STARD3NL: variants seen among roughly 807,000 people sequenced by gnomAD.
STARD3NL encodes the protein STARD3 N-terminal like.
Under a neutral mutation model 30.9 loss-of-function variants are expected in STARD3NL, and 17 were observed. The ratio of observed to expected loss-of-function variants is 0.55; its 90% CI spans 0.38 to 0.82. The LOEUF (loss-of-function observed/expected upper bound fraction) is 0.82, where lower values mean the gene tolerates loss of function less well. Among genes scored for constraint, STARD3NL ranks in the 40% least tolerant of loss-of-function variants. The pLI, the probability that STARD3NL is intolerant of heterozygous loss-of-function variation, is 0.00. For synonymous variants in STARD3NL, 112 were observed against 100.5 expected (o/e 1.11, Z -0.69); for missense variants, 234 against 277.6 (o/e 0.84, Z 1.12).
chr7:38,187,463 T>A (rs1051211793), intron 1 of STARD3NL, among the ~76,000 whole-genome samples: 5 of 152,200 alleles, frequency 3.3e-5, no homozygotes, highest in African/African-American at 1.2e-4. Context: ...TAGGTTCTGC[T>A]GAGAGCATGA....
chr7:38,217,272 A>G lies in STARD3NL; in HGVS notation c.520A>G (p.Lys174Glu). The change falls in exon 6 of 9, where the codon AAA (lysine) becomes GAA (glutamate). Residue 174 changes from lysine (K) to glutamate (E), a missense_variant. Lys to Glu is a moderately conservative substitution (Grantham distance 56). Transcript: ENST00000009041. ...GATTGAGACGTGGTTCCTGGATTTCAAAGTGTTACCTCAAGAAGCAGAAGA... is the reference window on the plus strand; with the variant it reads ...GATTGAGACGTGGTTCCTGGATTTCGAAGTGTTACCTCAAGAAGCAGAAGA... The part of the protein sequence containing the change: ...AWIETWFLDF[K>E]VLPQEAEEEN... 6.2e-7 allele frequency: 1 copy of G among 1,613,986 alleles called. No homozygotes were observed. The highest frequency in any genetic ancestry group is 8.5e-7 in the Non-Finnish European group (1 of 1,179,924).
chr7:38,215,412 C>G, intron 4 of STARD3NL: 2 of 380,234 alleles, frequency 5.3e-6, no homozygotes, highest in South Asian at 1.1e-4. Context: ...GAGAGGAGAC[C>G]TCTGTCACAG....
intron 4 of STARD3NL, 29 bp from the exon 5 acceptor site, chr7:38,216,996 T>C (rs750773122): frequency 5.0e-6 from 8 of 1,613,298 alleles, no homozygotes; most frequent in Non-Finnish European, 6.8e-6. Flanking sequence ...ATGCCTAGTG[T>C]GAACAGTGCT....
At chr7:38,208,201 C>T (rs1169918089) in intron 2 of STARD3NL, among the ~76,000 whole-genome samples, 4 of 152,162 alleles carry the variant, frequency 2.6e-5, no homozygotes, top group Non-Finnish European at 5.9e-5. Context: ...ATCCTTCCTC[C>T]AGAAAATGTA....
intron 1 of STARD3NL, among the ~76,000 whole-genome samples, chr7:38,204,632 G>C (rs1020074709): frequency 1.3e-5 from 2 of 152,150 alleles, no homozygotes; most frequent in Non-Finnish European, 1.5e-5. Flanking sequence ...AAATAACTAA[G>C]ATCAGAGCAG....
chr7:38,200,781 G>GT (rs1305105692), intron 1 of STARD3NL, among the ~76,000 whole-genome samples: 3 of 152,142 alleles, frequency 2.0e-5, no homozygotes, highest in Non-Finnish European at 4.4e-5. Context: ...AGCAGTAATT[G>GT]TTTTTTTGGG....
Position 38,215,009 on chromosome 7 carries a change from T to C in STARD3NL, c.304-19T>C. On this transcript the variant is annotated intron_variant, in intron 3 of 8. Transcript: ENST00000009041. ...TTGTATATATTTTTTAAAACATCCC[T>C]TTATTTTCTTACTTTCAGCTTCTGG... The C allele has an allele frequency of 6.2e-7, 1 of 1,610,058 alleles. No homozygotes were observed. The highest frequency in any genetic ancestry group is 8.5e-7 in the Non-Finnish European group (1 of 1,176,900).
intron 3 of STARD3NL, among the ~76,000 whole-genome samples, chr7:38,214,753 A>T (rs1786004009): frequency 6.6e-6 from 1 of 152,222 alleles, no homozygotes; most frequent in South Asian, 2.1e-4. Flanking sequence ...ACTGAAAGGA[A>T]AATTCACCTA....
intron 1 of STARD3NL, among the ~76,000 whole-genome samples, chr7:38,203,052 A>T (rs1785265511): frequency 6.6e-6 from 1 of 152,154 alleles, no homozygotes; most frequent in Non-Finnish European, 1.5e-5. Flanking sequence ...AAGTTGGAAA[A>T]CACTCTGCAG....
At chr7:38,217,004 G>A (rs1325470221) in intron 4 of STARD3NL, 21 bp from the exon 5 acceptor site, 1 of 1,613,822 alleles carries the variant, frequency 6.2e-7, no homozygotes, top group African/African-American at 1.3e-5. Context: ...TGTGAACAGT[G>A]CTGGATTATG....
intron 1 of STARD3NL, among the ~76,000 whole-genome samples, chr7:38,202,697 A>G (rs1785241953): frequency 6.8e-6 from 1 of 148,110 alleles, no homozygotes; most frequent in Non-Finnish European, 1.5e-5. Flanking sequence ...TACATTAGGT[A>G]TATCTCCTAA....
In STARD3NL at chr7:38,228,869, A is replaced by T; in HGVS notation, c.*15A>T. 6 of 1,607,682 alleles carry T rather than the reference A, an allele frequency of 3.7e-6. No individual in the cohort carries two copies. The highest frequency in any genetic ancestry group is 5.1e-6 in the Non-Finnish European group (6 of 1,175,760). On this transcript the variant is annotated splice_region_variant and 3_prime_UTR_variant, in exon 8 of 9. Coordinates refer to ENST00000009041, the MANE Select transcript of STARD3NL (RefSeq NM_032016.4). ...TAGAACTATGAGTACTACTTTTGTTAAAGTAAGTGTTTGAAATGAAACCAT... is the reference window on the plus strand; with the variant it reads ...TAGAACTATGAGTACTACTTTTGTTTAAGTAAGTGTTTGAAATGAAACCAT...
At chr7:38,222,596 C>CG (rs1424054696) in intron 7 of STARD3NL, among the ~76,000 whole-genome samples, 1 of 152,164 alleles carries the variant, frequency 6.6e-6, no homozygotes, top group Non-Finnish European at 1.5e-5. Flanking sequence ...AGTAGTGATA[C>CG]GAGGAACACG....
chr7:38,195,762 C>A (rs776224282), intron 1 of STARD3NL, among the ~76,000 whole-genome samples: 6 of 152,122 alleles, frequency 3.9e-5, no homozygotes, highest in Admixed American at 2.0e-4. Flanking sequence ...ACAGAATGTG[C>A]GAGTATTTTG....
At chr7:38,197,389 C>G (rs1043009648) in intron 1 of STARD3NL, among the ~76,000 whole-genome samples, 1 of 151,882 alleles carries the variant, frequency 6.6e-6, no homozygotes, top group African/African-American at 2.4e-5. Context: ...CCATACCCAG[C>G]TAATTTTTAA....
intron 4 of STARD3NL, chr7:38,215,461 A>G (rs954446626): frequency 8.3e-5 from 21 of 253,072 alleles, no homozygotes; most frequent in South Asian, 3.8e-4. Flanking sequence ...GAAACTGCTT[A>G]GTGATTGTTT....
intron 1 of STARD3NL, among the ~76,000 whole-genome samples, chr7:38,197,206 C>G (rs10265978): frequency 5.0e-5 from 7 of 141,268 alleles, no homozygotes; most frequent in Non-Finnish European, 9.2e-5. Context: ...TTCTCTCTCT[C>G]TCTTTCCCTC....
chr7:38,203,518 A>G (rs1375902708), intron 1 of STARD3NL, among the ~76,000 whole-genome samples: 2 of 152,254 alleles, frequency 1.3e-5, no homozygotes, highest in Non-Finnish European at 2.9e-5. Context: ...CAGCCACTGC[A>G]AAAACATGCC....
intron 2 of STARD3NL, among the ~76,000 whole-genome samples, chr7:38,209,453 T>G (rs1316809787): frequency 6.6e-6 from 1 of 151,996 alleles, no homozygotes; most frequent in Non-Finnish European, 1.5e-5. Context: ...CTTGCTAATT[T>G]TTTTGTATTT....
Sources: allele counts gnomAD v4.1 joint callset (sites outside exome capture counted in the v4.1 genomes callset), GRCh38; gene constraint gnomAD v4.1.1; transcripts MANE v1.5; gene names NCBI Gene and HGNC (gene_info 2026-07-23, HGNC 2026-07-21).